The following PLAC9 variants were observed in gnomAD, a reference collection of about 807,000 sequenced individuals.
PLAC9 encodes the protein placenta associated 9.
PLAC9 carries 12 observed loss-of-function variants against 11.5 expected under a neutral mutation model. The observed-to-expected ratio is 1.05, with a 90% CI of 0.67 to 1.69. The LOEUF (loss-of-function observed/expected upper bound fraction) is 1.69, where lower values mean the gene tolerates loss of function less well. Ranked by LOEUF, PLAC9 falls within the 40% of genes most tolerant of loss-of-function variation. The probability of loss-of-function intolerance (pLI) is 0.00; values close to 1 mark genes in which losing one functional copy is unlikely to be tolerated. For missense variants in PLAC9, 132 were observed against 130.5 expected (o/e 1.01, Z -0.06); for synonymous variants, 62 against 58.1 (o/e 1.07, Z -0.31).
chr10:80,135,090 G>A (rs1250534142), intron 1 of PLAC9, among the ~76,000 whole-genome samples: 3 of 151,832 alleles, frequency 2.0e-5, no homozygotes, highest in East Asian at 3.9e-4. Context: ...TGCGATCTCC[G>A]CTCACTGCAA....
chr10:80,131,966 T>C (rs1362823850), upstream of PLAC9: 1 of 152,354 alleles, frequency 6.6e-6, no homozygotes, highest in Middle Eastern at 3.4e-3. Context: ...CTTTTTTGCT[T>C]TGTGTTTTTA....
upstream of PLAC9, chr10:80,132,479 C>G (rs921630866): frequency 8.0e-5 from 32 of 397,634 alleles, no homozygotes; most frequent in African/African-American, 6.3e-4. Context: ...CCCCGCCTTC[C>G]CTCCCGGGCT....
intron 1 of PLAC9, among the ~76,000 whole-genome samples, chr10:80,133,943 C>CCAA (rs1844943245): frequency 9.3e-6 from 1 of 107,750 alleles, no homozygotes; most frequent in Non-Finnish European, 1.8e-5. Flanking sequence ...GACTCAGTTT[C>CCAA]AAAAAAAAAA....
chr10:80,144,012 G>C, intron 2 of PLAC9: 1 of 615,822 alleles, frequency 1.6e-6, no homozygotes, highest in Non-Finnish European at 2.8e-6. Flanking sequence ...AAAAGAAGGA[G>C]CCTTAGAGAG....
chr10:80,141,089 G>T (rs1297893511), intron 1 of PLAC9, among the ~76,000 whole-genome samples: 2 of 152,146 alleles, frequency 1.3e-5, no homozygotes, highest in Admixed American at 1.3e-4. Flanking sequence ...CATGCCAGCT[G>T]TTACTAACGG....
intron 1 of PLAC9, among the ~76,000 whole-genome samples, chr10:80,140,526 C>T (rs764500628): frequency 3.3e-5 from 5 of 152,214 alleles, no homozygotes; most frequent in African/African-American, 4.8e-5. Context: ...CTTCTCTTGA[C>T]TTCTGGGGCA....
At chr10:80,132,698 C>A, upstream of PLAC9, 1 of 1,344,786 alleles carries the variant, frequency 7.4e-7, no homozygotes, top group Non-Finnish European at 9.7e-7. Context: ...CTCGGGCCGG[C>A]CGGGTGCGAT....
At chr10:80,144,418 C>T in intron 3 of PLAC9, 75 bp downstream of exon 3, 1 of 1,486,732 alleles carries the variant, frequency 6.7e-7, no homozygotes, top group South Asian at 1.3e-5. Context: ...ACAGGGACGG[C>T]TGCTCCACTG....
intron 2 of PLAC9, among the ~76,000 whole-genome samples, chr10:80,143,662 G>T (rs1196721307): frequency 1.3e-5 from 2 of 152,082 alleles, no homozygotes; most frequent in South Asian, 2.1e-4. Context: ...CTCCCAAAGT[G>T]CTGGGATTAC....
At chr10:80,134,731 A>G (rs1282182830) in intron 1 of PLAC9, among the ~76,000 whole-genome samples, 2 of 152,200 alleles carry the variant, frequency 1.3e-5, no homozygotes, top group African/African-American at 4.8e-5. Context: ...ATTGTGTCAT[A>G]TCTTTTTGCA....
Position 80,138,018 on chromosome 10 carries a change from C to T in PLAC9, c.65-4064C>T, listed in dbSNP as rs11201848. On this transcript the variant is annotated intron_variant, in intron 1 of 3. Coordinates refer to ENST00000372263, the MANE Select transcript of PLAC9 (RefSeq NM_001012973.3). ...ATGTGGGGCCAGGATGGAGCATAGC[C>T]CCCAGGGGCCTCTCTCTCTCTGAAT... 1.0e-3 allele frequency among the ~76,000 whole-genome samples: 158 copies of T among 152,272 alleles called. 1 individual carries two copies. Among genetic ancestry groups the T allele is most frequent in the African/African-American group, 3.6e-3 (148 of 41,566 alleles).
intron 1 of PLAC9, 21 bp downstream of exon 1, chr10:80,132,847 G>A (rs1322169020): frequency 2.0e-6 from 3 of 1,482,646 alleles, no homozygotes; most frequent in Non-Finnish European, 2.7e-6. Context: ...CGCAGGGCGC[G>A]GCAGGGGACC....
intron 1 of PLAC9, among the ~76,000 whole-genome samples, chr10:80,140,821 G>C (rs1845031705): frequency 6.6e-6 from 1 of 152,150 alleles, no homozygotes; most frequent in South Asian, 2.1e-4. Context: ...GAGCCACCAT[G>C]CCTGGCTAAA....
chr10:80,144,129 G>A lies in PLAC9; in HGVS notation c.163-94G>A, dbSNP rs1845072366. The stretch of plus-strand genomic sequence containing the variant: ...GCGCCCAGTCCTTTCCCACTGCACC[G>A]CACTGGACCGCCAGCTGCTCTCTTA... On this transcript the variant is annotated intron_variant, in intron 2 of 3. Transcript: ENST00000372263. The A allele has an allele frequency of 7.6e-6, 12 of 1,570,778 alleles. No individual in the cohort carries two copies. In the South Asian group the frequency reaches 1.1e-4, roughly 15 times the overall value.
intron 1 of PLAC9, among the ~76,000 whole-genome samples, chr10:80,139,601 A>C (rs1266036183): frequency 6.6e-6 from 1 of 151,812 alleles, no homozygotes; most frequent in East Asian, 1.9e-4. Flanking sequence ...TGCATCCCTC[A>C]TTCTGCACAT....
chr10:80,144,492 A>T, intron 3 of PLAC9, 149 bp downstream of exon 3: 1 of 1,195,276 alleles, frequency 8.4e-7, no homozygotes, highest in East Asian at 2.6e-5. Context: ...GCGGGACGGC[A>T]TCATCCCTGC....
intron 1 of PLAC9, 71 bp from the exon 2 acceptor site, chr10:80,142,011 A>G: frequency 2.3e-6 from 3 of 1,309,156 alleles, no homozygotes; most frequent in Middle Eastern, 3.8e-4. Flanking sequence ...ATTTGAGCCC[A>G]GTGTTTACAG....
chr10:80,139,199 G>T (rs562138548), intron 1 of PLAC9, among the ~76,000 whole-genome samples: 2 of 151,982 alleles, frequency 1.3e-5, no homozygotes, highest in African/African-American at 4.8e-5. Context: ...TGATCTGCCC[G>T]CCTCGGCCTC....
chr10:80,145,058 C>A lies in PLAC9; in HGVS notation c.*148C>A, dbSNP rs1300035668. On this transcript the variant is annotated 3_prime_UTR_variant, in exon 4 of 4. Coordinates refer to ENST00000372263, the MANE Select transcript of PLAC9 (RefSeq NM_001012973.3). Reference sequence around the variant, plus strand: ...CTCTGTGTCTGCTGACAGAGTAACCCGTTTAACTACAGCCTCCTCTCACTC... The same window carrying A: ...CTCTGTGTCTGCTGACAGAGTAACCAGTTTAACTACAGCCTCCTCTCACTC... The A allele has an allele frequency of 2.4e-5, 24 of 1,019,416 alleles. No individual in the cohort carries two copies. Among genetic ancestry groups the A allele is most frequent in the Non-Finnish European group, 3.1e-5 (21 of 668,834 alleles). The allele number at this position is 1,019,416 out of a possible 1,614,324, so 63.1% of individuals were successfully genotyped here.
Sources: allele counts gnomAD v4.1 joint callset (sites outside exome capture counted in the v4.1 genomes callset), GRCh38; gene constraint gnomAD v4.1.1; transcripts MANE v1.5; gene names NCBI Gene and HGNC (gene_info 2026-07-23, HGNC 2026-07-21).